Variants in LCOR observed in about 807,000 individuals in gnomAD.
LCOR encodes the protein ligand dependent nuclear receptor corepressor, also known as ligand-dependent corepressor.
Under a neutral mutation model 64.4 loss-of-function variants are expected in LCOR, and 14 were observed. The ratio of observed to expected loss-of-function variants is 0.22; its 90% CI spans 0.14 to 0.34. LCOR has a LOEUF of 0.34. LCOR is among the 10% of genes least tolerant of loss of function. LCOR has a pLI of 1.00. For missense variants in LCOR, 1,686 were observed against 1,765.3 expected (o/e 0.96, Z 0.80); for synonymous variants, 643 against 642.5 (o/e 1.00, Z -0.01).
intron 2 of LCOR, among the ~76,000 whole-genome samples, chr10:96,842,801 T>C (rs1401229464): frequency 6.6e-6 from 1 of 152,004 alleles, no homozygotes; most frequent in African/African-American, 2.4e-5. Flanking sequence ...CCACTAGTTC[T>C]TGTTTTTTTT....
intron 4 of LCOR, chr10:96,907,987 T>G (rs558365389): frequency 6.6e-6 from 1 of 152,410 alleles, no homozygotes; most frequent in East Asian, 1.9e-4. Context: ...TTTTGTTTTT[T>G]TGCTTTTTTG....
Position 96,982,748 on chromosome 10 carries a change from A to G in LCOR, c.2288A>G (p.Glu763Gly), listed in dbSNP as rs151072852. The G allele has an allele frequency of 3.7e-5, 59 of 1,614,220 alleles. No homozygotes were observed. The African/African-American group carries it at 6.8e-4, about 19-fold the overall frequency. Residue 763 changes from glutamate to glycine, a missense_variant, in exon 8 of 8, where the codon GAA becomes GGA. This residue lies in a region of LCOR where 1,293 missense variants were observed against 1,410.4 expected (regional missense o/e 0.92). Coordinates refer to ENST00000421806, the MANE Select transcript of LCOR (RefSeq NM_001346516.2). ...GATGAAAACCCCAGTGAAACTGAGG[A>G]AAGTGAGGCAGCAGGTGGTATAGGA... ...FTDENPSETE[E>G]SEAAGGIGKL...
chr10:96,984,839 C>G lies in LCOR; in HGVS notation c.4379C>G (p.Pro1460Arg), dbSNP rs1564646821. 23 of 1,614,144 alleles carry G rather than the reference C, an allele frequency of 1.4e-5. No homozygotes were observed. Among genetic ancestry groups the G allele is most frequent in the Non-Finnish European group, 1.9e-5 (23 of 1,180,038 alleles). Residue 1460 changes from proline (P) to arginine (R), a missense_variant, in exon 8 of 8, where the codon CCT (proline) becomes CGT (arginine). By Grantham distance (103) the Pro-to-Arg change is moderately radical (BLOSUM62 -2). This residue lies in a region of LCOR where 1,293 missense variants were observed against 1,410.4 expected (regional missense o/e 0.92). Coordinates refer to ENST00000421806, the MANE Select transcript of LCOR (RefSeq NM_001346516.2). ...TSLKENKVKI[P>R]KKSAGKSCPP... is the part of the protein sequence containing the mutation. ...TTGAAAGAGAATAAAGTGAAGATCC[C>G]TAAAAAGTCCGCTGGGAAGAGCTGC... is the stretch of plus-strand genomic sequence containing the variant.
chr10:96,968,949 AATTC>A (rs1439689453), intron 7 of LCOR, among the ~76,000 whole-genome samples: 1 of 152,052 alleles, frequency 6.6e-6, no homozygotes. Flanking sequence ...AAAAAAAAAA[AATTC>A]AGCGTTTTCA....
At chr10:96,867,073 G>A (rs574549175) in intron 2 of LCOR, among the ~76,000 whole-genome samples, 4 of 151,826 alleles carry the variant, frequency 2.6e-5, no homozygotes, top group East Asian at 3.9e-4. Context: ...CGCAACCTCC[G>A]TCTCCCAGGT....
intron 4 of LCOR, among the ~76,000 whole-genome samples, chr10:96,934,592 C>G (rs1293573316): frequency 6.6e-6 from 1 of 152,090 alleles, no homozygotes; most frequent in Non-Finnish European, 1.5e-5. Context: ...CAGTTGAAAT[C>G]TGCAACTTTA....
At position 96,925,786 on chromosome 10, in the gene LCOR, A is replaced by G. The variant is rs1472462646; in HGVS notation, c.-184+18039A>G. Among the ~76,000 whole-genome samples, 10 of 152,206 alleles carry G rather than the reference A, an allele frequency of 6.6e-5. No individual in the cohort carries two copies. In the East Asian group the frequency reaches 1.9e-3, roughly 29 times the overall value. ...AACTTTGATCCATTTTAGTTTTAGTATCAGTGATAGTTTCTTGCCTAAATC... is the reference window on the plus strand; with the variant it reads ...AACTTTGATCCATTTTAGTTTTAGTGTCAGTGATAGTTTCTTGCCTAAATC... On this transcript the variant is annotated intron_variant, in intron 4 of 7. Transcript: ENST00000421806.
intron 2 of LCOR, among the ~76,000 whole-genome samples, chr10:96,845,669 G>T (rs887779981): frequency 2.0e-5 from 3 of 150,508 alleles, no homozygotes; most frequent in African/African-American, 7.3e-5. Flanking sequence ...GGGTGTCACC[G>T]TGTTAGCCAG....
intron 2 of LCOR, among the ~76,000 whole-genome samples, chr10:96,897,071 GAGAA>G (rs1265263465): frequency 1.6e-5 from 2 of 126,484 alleles, no homozygotes; most frequent in African/African-American, 6.3e-5. Context: ...GAGAGAGAGA[GAGAA>G]AGAGAAAGAG....
intron 2 of LCOR, among the ~76,000 whole-genome samples, chr10:96,866,650 G>A (rs1036540279): frequency 7.2e-5 from 11 of 152,136 alleles, no homozygotes; most frequent in Middle Eastern, 3.4e-3. Context: ...GCCCGATTTC[G>A]GCTCACTGCA....
At chr10:96,879,473 T>TA (rs1846224419) in intron 2 of LCOR, among the ~76,000 whole-genome samples, 1 of 152,308 alleles carries the variant, frequency 6.6e-6, no homozygotes, top group South Asian at 2.1e-4. Flanking sequence ...GGCTAATGAG[T>TA]ACTTCCGTAG....
At chr10:96,947,783 A>G (rs1196721634) in intron 5 of LCOR, among the ~76,000 whole-genome samples, 1 of 151,618 alleles carries the variant, frequency 6.6e-6, no homozygotes, top group African/African-American at 2.4e-5. Flanking sequence ...CCTATTTAGT[A>G]TTTAACTAAA....
chr10:96,888,363 CAAAAAAAAAAAAAAA>C (rs61076542), intron 2 of LCOR, among the ~76,000 whole-genome samples: 37 of 30,548 alleles, frequency 1.2e-3, no homozygotes, highest in Admixed American at 2.8e-3. Flanking sequence ...GACTCCGTCT[CAAAAAAAAAAAAAAA>C]AAAAAAAAAA....
intron 4 of LCOR, chr10:96,915,747 G>A: frequency 3.1e-6 from 2 of 644,190 alleles, no homozygotes; most frequent in African/African-American, 1.8e-5. Flanking sequence ...TTCCCTTTGG[G>A]TACCTTCTCT....
intron 4 of LCOR, among the ~76,000 whole-genome samples, chr10:96,943,124 A>G (rs925008665): frequency 2.7e-5 from 4 of 150,212 alleles, no homozygotes; most frequent in Non-Finnish European, 5.9e-5. Context: ...TTTTGAGACA[A>G]AGTCTTGCTG....
chr10:96,949,139 A>G lies in LCOR; in HGVS notation c.82A>G (p.Thr28Ala), dbSNP rs1377547982. The G allele has an allele frequency of 6.2e-7, 1 of 1,614,128 alleles. No individual in the cohort carries two copies. The highest frequency in any genetic ancestry group is 1.7e-5 in the Admixed American group (1 of 60,024). Residue 28 changes from threonine to alanine, a missense_variant, in exon 6 of 8, where the codon ACA becomes GCA. By Grantham distance (58) the Thr-to-Ala change is moderately conservative (BLOSUM62 0). Transcript: ENST00000421806. ...STQDPSQPNS[T>A]KNQSLPKASP... ...TCAGGACCCCAGCCAGCCCAATAGC[A>G]CAAAGAACCAAAGCCTGCCGAAAGC...
rs368597025 is a variant in LCOR at position 96,952,166 on chromosome 10, C to G, written c.302C>G (p.Ser101Cys). The change falls in exon 7 of 8, where the codon TCT becomes TGT. Residue 101 changes from serine to cysteine, a missense_variant. Around this residue, in one of 3 missense-constraint regions of LCOR, gnomAD observed 313 missense variants for 247.2 expected, o/e 1.27. Transcript: ENST00000421806. ...PCAGSTSLSH[S>C]PGCSSTQGNG... is the part of the protein sequence containing the mutation. ...GCTGGCAGCACTTCCCTGAGCCACT[C>G]TCCAGGCTGCTCCAGTACTCAAGGG... 23 of 1,613,706 alleles carry G rather than the reference C, an allele frequency of 1.4e-5. No homozygotes were observed. The highest frequency in any genetic ancestry group is 4.0e-5 in the African/African-American group (3 of 74,922).
intron 7 of LCOR, chr10:96,958,364 A>G (rs1847818426): frequency 2.0e-6 from 3 of 1,532,656 alleles, no homozygotes; most frequent in Non-Finnish European, 2.6e-6. Flanking sequence ...TGTAGTGTAC[A>G]TGGAGTGATC....
chr10:96,849,810 A>T (rs1589604271), intron 2 of LCOR, among the ~76,000 whole-genome samples: 1 of 149,616 alleles, frequency 6.7e-6, no homozygotes, highest in Non-Finnish European at 1.5e-5. Context: ...CAGTGGCAGG[A>T]TCCCCATGAT....
Sources: allele counts gnomAD v4.1 joint callset (sites outside exome capture counted in the v4.1 genomes callset), GRCh38; gene constraint gnomAD v4.1.1; regional missense constraint gnomAD v4.1.1; transcripts MANE v1.5; gene names NCBI Gene and HGNC (gene_info 2026-07-23, HGNC 2026-07-21).